The following PARP11 variants were observed in gnomAD, a reference collection of about 807,000 sequenced individuals.
PARP11 encodes protein mono-ADP-ribosyltransferase PARP11.
A neutral mutation model predicts 42.9 loss-of-function variants in PARP11; 31 were observed. The ratio of observed to expected loss-of-function variants is 0.72; its 90% CI spans 0.54 to 0.98. The LOEUF is 0.98. PARP11 is among the 50% of genes least tolerant of loss of function. The pLI is 0.00. For synonymous variants in PARP11, 137 were observed against 127.3 expected (o/e 1.08, Z -0.51); for missense variants, 365 against 413.1 (o/e 0.88, Z 1.01).
At chr12:3,835,985 A>G (rs962526369) in intron 1 of PARP11, among the ~76,000 whole-genome samples, 5 of 152,070 alleles carry the variant, frequency 3.3e-5, no homozygotes, top group East Asian at 3.8e-4. Context: ...AACTTTAAAG[A>G]AAGTAAAACT....
Position 3,814,019 on chromosome 12 carries a change from T to A in PARP11, c.700+18A>T. ...TCTCTCCTGGGGCTCAAATTGGACC[T>A]GGAATTCTGATAATTACCTTTTCCA... On this transcript the variant is annotated intron_variant, in intron 7 of 7. Coordinates refer to ENST00000228820, the MANE Select transcript of PARP11 (RefSeq NM_020367.6). The A allele has an allele frequency of 6.5e-7, 1 of 1,533,986 alleles. No homozygotes were observed. The highest frequency in any genetic ancestry group is 8.8e-7 in the Non-Finnish European group (1 of 1,130,492).
rs1050506596 is a variant in PARP11, at chr12:3,841,670, G to T, written c.19-11652C>A. ...GCTGATTATGAAGAGTCACTGAGTGGCAAGAATATGTTCCCCCAGCCATCT... is the reference window on the plus strand; with the variant it reads ...GCTGATTATGAAGAGTCACTGAGTGTCAAGAATATGTTCCCCCAGCCATCT... On this transcript the variant is annotated intron_variant, in intron 1 of 7. Coordinates refer to ENST00000228820, the MANE Select transcript of PARP11 (RefSeq NM_020367.6). The T allele has an allele frequency of 4.3e-6, 7 of 1,613,380 alleles. No homozygotes were observed. In the East Asian group the frequency reaches 1.3e-4, roughly 31 times the overall value.
At position 3,839,934 on chromosome 12, in the gene PARP11, T is replaced by A. The variant is rs900956167; in HGVS notation, c.19-9916A>T. ...ATTCAGAGGATGACAGCTGCAAGAG[T>A]AAAACTGCTGTTGCTGCTGCTGATG... On this transcript the variant is annotated intron_variant, in intron 1 of 7. Coordinates refer to ENST00000228820, the MANE Select transcript of PARP11 (RefSeq NM_020367.6). 6.0e-6 allele frequency: 7 copies of A among 1,167,748 alleles called. No individual in the cohort carries two copies. In the African/African-American group the frequency reaches 9.1e-5, roughly 15 times the overall value. The allele number at this position is 1,167,748 out of a possible 1,614,324, so 72.3% of individuals were successfully genotyped here. A position where few individuals can be genotyped will look rare whatever the true frequency, so the allele number is the denominator to read the frequency against.
chr12:3,829,414 C>T (rs1446990311), intron 2 of PARP11, among the ~76,000 whole-genome samples: 1 of 152,184 alleles, frequency 6.6e-6, no homozygotes, highest in Non-Finnish European at 1.5e-5. Flanking sequence ...ATTCAAATCT[C>T]AGTTTAACTA....
intron 4 of PARP11, among the ~76,000 whole-genome samples, chr12:3,822,491 C>T (rs916973890): frequency 2.7e-5 from 4 of 145,568 alleles, no homozygotes; most frequent in South Asian, 2.2e-4. Flanking sequence ...CCCAGCTACT[C>T]GGGAGGCTGA....
chr12:3,823,424 G>A (rs143591330), intron 4 of PARP11, among the ~76,000 whole-genome samples: 1,842 of 152,194 alleles, frequency 0.012, 31 homozygotes, highest in African/African-American at 0.041. Context: ...TTACTTCATA[G>A]CTTCTTAGAG....
At chr12:3,821,007 G>A (rs1269541463) in intron 6 of PARP11, among the ~76,000 whole-genome samples, 2 of 152,144 alleles carry the variant, frequency 1.3e-5, no homozygotes, top group Non-Finnish European at 2.9e-5. Flanking sequence ...ATGAGTTATG[G>A]TCTGGGATTT....
intron 7 of PARP11, 79 bp downstream of exon 7, chr12:3,813,958 C>CATATTT (rs1947232201): frequency 1.8e-6 from 2 of 1,094,970 alleles, no homozygotes; most frequent in Non-Finnish European, 2.6e-6. Flanking sequence ...TAAAGCAGTT[C>CATATTT]ATATTTATAT....
intron 4 of PARP11, among the ~76,000 whole-genome samples, chr12:3,825,443 T>C (rs1287276902): frequency 6.6e-6 from 1 of 152,216 alleles, no homozygotes; most frequent in African/African-American, 2.4e-5. Context: ...TGGAGATCAA[T>C]GTAGGTGGAA....
rs202057213 is a variant in PARP11 at position 3,841,659 on chromosome 12, G to C, written c.19-11641C>G. On this transcript the variant is annotated intron_variant, in intron 1 of 7. Transcript: ENST00000228820. ...AGCTTCTGCATGCTGATTATGAAGA[G>C]TCACTGAGTGGCAAGAATATGTTCC... 1.7e-3 allele frequency: 2,726 copies of C among 1,613,626 alleles called. 4 individuals carry two copies. The highest frequency in any genetic ancestry group is 2.1e-3 in the Non-Finnish European group (2,462 of 1,179,542).
At chr12:3,833,119 A>G (rs564225399) in intron 1 of PARP11, among the ~76,000 whole-genome samples, 12 of 152,376 alleles carry the variant, frequency 7.9e-5, no homozygotes, top group South Asian at 2.1e-4. Context: ...TTAGTTTACT[A>G]CAACAAAGTA....
chr12:3,872,797 T>A (rs1340919616), intron 1 of PARP11: 26 of 985,006 alleles, frequency 2.6e-5, no homozygotes, highest in Non-Finnish European at 3.1e-5. Context: ...ACACAAAGTT[T>A]CAAAAAACAG....
rs1948297354 is a variant in PARP11, at chr12:3,861,845, A to G, written c.18+11367T>C. Among the ~76,000 whole-genome samples, 1 of 152,012 alleles carries G rather than the reference A, an allele frequency of 6.6e-6. No homozygotes were observed. The highest frequency in any genetic ancestry group is 2.4e-5 in the African/African-American group (1 of 41,378). On this transcript the variant is annotated intron_variant, in intron 1 of 7. Coordinates refer to ENST00000228820, the MANE Select transcript of PARP11 (RefSeq NM_020367.6). This position sits in a 1 kb window ranked among gnomAD's most constrained non-coding sequence, Gnocchi z 4.6. ...TGAGACCATCCTGGCTAACACGGTG[A>G]AACCCCGTCTCTACCAAAAATACAA...
intron 3 of PARP11, among the ~76,000 whole-genome samples, chr12:3,828,319 CG>C (rs1183878996): frequency 2.0e-5 from 3 of 152,040 alleles, no homozygotes; most frequent in South Asian, 4.1e-4. Flanking sequence ...GAGGTGGAGG[CG>C]GGTGGATCAG....
chr12:3,842,015 T>C (rs1947898605), intron 1 of PARP11: 6 of 1,611,466 alleles, frequency 3.7e-6, no homozygotes, highest in South Asian at 1.1e-5. Flanking sequence ...AAGGCAGATA[T>C]GGCATTGGCT....
At chr12:3,839,605 G>A in intron 1 of PARP11, 1 of 1,157,634 alleles carries the variant, frequency 8.6e-7, no homozygotes. Context: ...GGAATGGGTA[G>A]GACAAATGGA....
At position 3,811,480 on chromosome 12, in the gene PARP11, C is replaced by G. The variant is rs988833411; in HGVS notation, c.*643G>C. The G allele has an allele frequency of 6.6e-6, 1 of 152,216 alleles. No individual in the cohort carries two copies. Among genetic ancestry groups the G allele is most frequent in the African/African-American group, 2.4e-5 (1 of 41,434 alleles). 9.4% of individuals were successfully genotyped at this position (152,216 alleles called of 1,614,324 possible). ...GGGAGACAGAGGAGAATGACAGGAT[C>G]AAGTCTGAGGCTGCAGCCTGCTATC... On this transcript the variant is annotated 3_prime_UTR_variant, in exon 8 of 8. Coordinates refer to ENST00000228820, the MANE Select transcript of PARP11 (RefSeq NM_020367.6).
chr12:3,826,375 A>C (rs1947526944), intron 3 of PARP11, 142 bp from the exon 4 acceptor site: 1 of 532,162 alleles, frequency 1.9e-6, no homozygotes, highest in African/African-American at 1.9e-5. Flanking sequence ...TATTATGGGT[A>C]CTTTACCATG....
intron 3 of PARP11, among the ~76,000 whole-genome samples, chr12:3,827,601 T>C (rs1011461274): frequency 6.6e-6 from 1 of 151,750 alleles, no homozygotes; most frequent in Non-Finnish European, 1.5e-5. Flanking sequence ...ATTTGCCTAA[T>C]GGCATTAAAA....
Sources: gnomAD v4.1 joint callset for allele counts (sites outside exome capture counted in the v4.1 genomes callset) on GRCh38, gnomAD v4.1.1 for gene constraint, Gnocchi (gnomAD v3.1) non-coding constraint, MANE v1.5 for transcripts, NCBI Gene and HGNC (gene_info 2026-07-23, HGNC 2026-07-21) for gene names.